Variants in ZNF879 observed in about 807,000 individuals in gnomAD.
The protein encoded by ZNF879 is zinc finger protein 879.
Under a neutral mutation model 44.3 loss-of-function variants are expected in ZNF879, and 32 were observed. The ratio of observed to expected loss-of-function variants is 0.72; its 90% CI spans 0.54 to 0.97. ZNF879 has a LOEUF of 0.97. Ranked by LOEUF, ZNF879 falls within the 50% of genes least tolerant of loss-of-function variation. The probability of loss-of-function intolerance (pLI) is 0.00; values close to 1 mark genes in which losing one functional copy is unlikely to be tolerated. For synonymous variants in ZNF879, 234 were observed against 233.2 expected (o/e 1.00, Z -0.03); for missense variants, 621 against 669.7 (o/e 0.93, Z 0.80).
rs1402909216 is a variant in ZNF879 at position 179,033,120 on chromosome 5, A to G, written c.1172A>G (p.Gln391Arg). Reference sequence around the variant, plus strand: ...TATCACTCAGCCCTTATCATACATCAGAGAATTCACACTGGTGAGAAACCA... The same window carrying G: ...TATCACTCAGCCCTTATCATACATCGGAGAATTCACACTGGTGAGAAACCA... The part of the protein sequence containing the change: ...FSYHSALIIH[Q>R]RIHTGEKPYA... The change falls in exon 5 of 5, where the codon CAG (glutamine) becomes CGG (arginine). Residue 391 changes from glutamine to arginine, a missense_variant. Physicochemically the swap from Gln to Arg is conservative, Grantham distance 43 (BLOSUM62 1). Transcript: ENST00000444149. 1 of 1,581,552 alleles carries G rather than the reference A, an allele frequency of 6.3e-7. No homozygotes were observed. Among genetic ancestry groups the G allele is most frequent in the Admixed American group, 1.8e-5 (1 of 54,578 alleles).
Position 179,027,478 on chromosome 5 carries a change from C to G in ZNF879, c.39C>G (p.Ser13=), listed in dbSNP as rs377574787. The G allele has an allele frequency of 1.7e-5, 28 of 1,613,922 alleles. No homozygotes were observed. The East Asian group carries it at 1.8e-4, about 10-fold the overall frequency. Residue 13 remains serine (S), a synonymous_variant, in exon 3 of 5, where the codon TCC becomes TCG. Coordinates refer to ENST00000444149, the MANE Select transcript of ZNF879 (RefSeq NM_001136116.3). ...GAGTGGGTTTGCCATTCCAGGAGTC[C>G]GTGACGTTCAGGGATGTGGCCGTGT... ...RRLLPAHVQE[S]VTFRDVAVFF...
chr5:179,025,849 A>C (rs540565685), intron 2 of ZNF879, among the ~76,000 whole-genome samples: 3 of 150,812 alleles, frequency 2.0e-5, no homozygotes, highest in Non-Finnish European at 4.4e-5. Flanking sequence ...CCCGGGAGGC[A>C]GGGGTTGAAG....
chr5:179,028,252 C>A, intron 4 of ZNF879, 125 bp downstream of exon 4: 1 of 794,104 alleles, frequency 1.3e-6, no homozygotes, highest in Non-Finnish European at 2.1e-6. Flanking sequence ...AAGGTAGATC[C>A]TTTCTCTTTT....
At position 179,032,796 on chromosome 5, in the gene ZNF879, C is replaced by T; in HGVS notation, c.848C>T (p.Thr283Ile). The T allele has an allele frequency of 6.4e-7, 1 of 1,554,418 alleles. No homozygotes were observed. The highest frequency in any genetic ancestry group is 8.7e-7 in the Non-Finnish European group (1 of 1,148,712). The change falls in exon 5 of 5, where the codon ACT (threonine) becomes ATT (isoleucine). Residue 283 changes from threonine to isoleucine, a missense_variant. Transcript: ENST00000444149. Reference protein sequence around the residue: ...TSLIGHQRMHTGERPYKCKEC... With the variant: ...TSLIGHQRMHIGERPYKCKEC... ...CTTATTGGACACCAGAGAATGCATACTGGAGAGAGACCTTATAAATGCAAG... is the reference window on the plus strand; with the variant it reads ...CTTATTGGACACCAGAGAATGCATATTGGAGAGAGACCTTATAAATGCAAG...
In ZNF879 at chr5:179,027,566, A is replaced by T. The variant is rs1451504069; in HGVS notation, c.127A>T (p.Met43Leu). The T allele has an allele frequency of 6.2e-7, 1 of 1,613,934 alleles. No homozygotes were observed. The highest frequency in any genetic ancestry group is 1.3e-5 in the African/African-American group (1 of 74,894). ...CCAGAGAGCCTTGTACCGGGAGGTG[A>T]TGCTGGAGAACTACAGCATCCTGGT... ...SAQRALYREV[M>L]LENYSILVSL... The change falls in exon 3 of 5, where the codon ATG becomes TTG. Residue 43 changes from methionine (M) to leucine (L), a missense_variant. Met to Leu is a conservative substitution (Grantham distance 15, BLOSUM62 2). Transcript: ENST00000444149.
chr5:179,032,028 G>A (rs1561736421), intron 4 of ZNF879, among the ~76,000 whole-genome samples, 177 bp from the exon 5 acceptor site: 1 of 152,030 alleles, frequency 6.6e-6, no homozygotes, highest in Non-Finnish European at 1.5e-5. Context: ...CTATATGTAG[G>A]TTTCTTCAGA....
chr5:179,024,874 A>G (rs1057257350), intron 1 of ZNF879, 96 bp from the exon 2 acceptor site: 1 of 933,734 alleles, frequency 1.1e-6, no homozygotes, highest in Non-Finnish European at 1.6e-6. Flanking sequence ...CCTTCTCTGC[A>G]GGTGCTCAGC....
At chr5:179,026,915 C>G (rs1308990093) in intron 2 of ZNF879, among the ~76,000 whole-genome samples, 1 of 152,204 alleles carries the variant, frequency 6.6e-6, no homozygotes, top group African/African-American at 2.4e-5. Flanking sequence ...TGACCATAGC[C>G]TTCTCCTCTG....
chr5:179,033,081 GA>G lies in ZNF879; in HGVS notation c.1137del (p.Val380TyrfsTer120). The G allele has an allele frequency of 6.4e-7, 1 of 1,567,418 alleles. No individual in the cohort carries two copies. Among genetic ancestry groups the G allele is most frequent in the Non-Finnish European group, 8.6e-7 (1 of 1,156,218 alleles). On this transcript the variant is annotated frameshift_variant, in exon 5 of 5. Coordinates refer to ENST00000444149, the MANE Select transcript of ZNF879 (RefSeq NM_001136116.3). LOFTEE classifies it high-confidence loss of function. Reference protein sequence around the residue: ...GEKPFHCNECGKVFSYHSALI... With the variant: ...GEKPFHCNECXKVFSYHSALI... ...AAACCCTTTCATTGTAACGAGTGTG[GA>G]AAAGTATTCAGCTATCACTCAGCCC... is the stretch of plus-strand genomic sequence containing the variant.
chr5:179,029,576 C>G (rs1163507373), intron 4 of ZNF879, among the ~76,000 whole-genome samples: 2 of 152,182 alleles, frequency 1.3e-5, no homozygotes, highest in Non-Finnish European at 2.9e-5. Flanking sequence ...ATTGGTATCA[C>G]ATTGTCAGTG....
chr5:179,027,923 C>T, intron 3 of ZNF879, 109 bp from the exon 4 acceptor site: 1 of 1,012,830 alleles, frequency 9.9e-7, no homozygotes, highest in Non-Finnish European at 1.5e-6. Flanking sequence ...TTTGAAGCCT[C>T]TCAGAACAAA....
rs182788877 is a variant in ZNF879, at chr5:179,026,849, G to C, written c.34-624G>C. Reference sequence around the variant, plus strand: ...GTTCAGAGCAGTAACATGCCATCCAGTGAAGGAGGAGAGAGATAGAAGAAC... The same window carrying C: ...GTTCAGAGCAGTAACATGCCATCCACTGAAGGAGGAGAGAGATAGAAGAAC... On this transcript the variant is annotated intron_variant, in intron 2 of 4. Transcript: ENST00000444149. Among the ~76,000 whole-genome samples the C allele has an allele frequency of 1.4e-3, 214 of 152,334 alleles. 1 individual carries two copies. Among genetic ancestry groups the C allele is most frequent in the Non-Finnish European group, 2.7e-3 (187 of 68,016 alleles).
At chr5:179,028,268 C>A in intron 4 of ZNF879, 141 bp downstream of exon 4, 1 of 712,488 alleles carries the variant, frequency 1.4e-6, no homozygotes, top group Non-Finnish European at 2.4e-6. Flanking sequence ...CTTTTGATTA[C>A]TTGATCCATC....
rs1347135338 is a variant in ZNF879, at chr5:179,032,782, C to T, written c.834C>T (p.His278=). 1 of 1,553,790 alleles carries T rather than the reference C, an allele frequency of 6.4e-7. No homozygotes were observed. The highest frequency in any genetic ancestry group is 2.4e-5 in the East Asian group (1 of 40,974). The change falls in exon 5 of 5, where the codon CAC becomes CAT. Residue 278 remains histidine (H), a synonymous_variant. Transcript: ENST00000444149. The part of the protein sequence containing the change: ...AFSFTTSLIG[H]QRMHTGERPY... The stretch of plus-strand genomic sequence containing the variant: ...GTTTCACCACATCTCTTATTGGACA[C>T]CAGAGAATGCATACTGGAGAGAGAC...
rs576785004 is a variant in ZNF879, at chr5:179,025,246, G to T, written c.33+209G>T. On this transcript the variant is annotated intron_variant, in intron 2 of 4. Transcript: ENST00000444149. ...TTTTCTTTCCCTTTTTTGAGACAGGGTCTCACTCTGTTACCCAGGCTGGAG... is the reference window on the plus strand; with the variant it reads ...TTTTCTTTCCCTTTTTTGAGACAGGTTCTCACTCTGTTACCCAGGCTGGAG... Among the ~76,000 whole-genome samples the T allele has an allele frequency of 1.8e-3, 271 of 151,630 alleles. 1 individual carries two copies. The highest frequency in any genetic ancestry group is 6.2e-3 in the African/African-American group (255 of 41,302).
Position 179,034,330 on chromosome 5 carries a change from T to C in ZNF879, c.*690T>C, listed in dbSNP as rs1439840649. Reference sequence around the variant, plus strand: ...CATGGTATTTCACTTGTTTTTCTCATTAAAAGTGATTACCTTTGCTGTATT... The same window carrying C: ...CATGGTATTTCACTTGTTTTTCTCACTAAAAGTGATTACCTTTGCTGTATT... On this transcript the variant is annotated 3_prime_UTR_variant, in exon 5 of 5. Transcript: ENST00000444149. 1 of 152,252 alleles carries C rather than the reference T, an allele frequency of 6.6e-6. No individual in the cohort carries two copies. The highest frequency in any genetic ancestry group is 3.2e-3 in the Middle Eastern group (1 of 316). The allele number at this position is 152,252 out of a possible 1,614,324, so 9.4% of individuals were successfully genotyped here.
intron 1 of ZNF879, among the ~76,000 whole-genome samples, 194 bp downstream of exon 1, chr5:179,024,098 G>A (rs1327997636): frequency 6.6e-6 from 1 of 152,148 alleles, no homozygotes; most frequent in Non-Finnish European, 1.5e-5. Flanking sequence ...AGGGCGCTTC[G>A]ACGCCGCTGG....
At chr5:179,024,854 G>C in intron 1 of ZNF879, 116 bp from the exon 2 acceptor site, 1 of 807,014 alleles carries the variant, frequency 1.2e-6, no homozygotes, top group Non-Finnish European at 2.0e-6. Context: ...GGCCTGGGCA[G>C]TTCCAGGCTC....
rs766132728 is a variant in ZNF879, at chr5:179,033,582, G to A, written c.1634G>A (p.Cys545Tyr). Residue 545 changes from cysteine to tyrosine, a missense_variant, in exon 5 of 5, where the codon TGT becomes TAT. Physicochemically the swap from Cys to Tyr is radical, Grantham distance 194. Coordinates refer to ENST00000444149, the MANE Select transcript of ZNF879 (RefSeq NM_001136116.3). ...GAAAAACCTTATAAATGTAAAGAAT[G>A]TGGGAAGGCTTTTAGTCAGAGCTCA... ...TGEKPYKCKE[C>Y]GKAFSQSSSL... 2 of 1,547,820 alleles carry A rather than the reference G, an allele frequency of 1.3e-6. No individual in the cohort carries two copies. The highest frequency in any genetic ancestry group is 1.4e-5 in the African/African-American group (1 of 72,778).
Sources: gnomAD v4.1 joint callset for allele counts (sites outside exome capture counted in the v4.1 genomes callset) on GRCh38, gnomAD v4.1.1 for gene constraint, MANE v1.5 for transcripts, NCBI Gene and HGNC (gene_info 2026-07-23, HGNC 2026-07-21) for gene names.